AGBL1: variants seen among roughly 807,000 people sequenced by gnomAD.
The protein encoded by AGBL1 is AGBL carboxypeptidase 1, also known as cytosolic carboxypeptidase 4.
A neutral mutation model predicts 118.9 loss-of-function variants in AGBL1; 130 were observed. That is an observed-to-expected ratio of 1.09 (90% CI 0.95 to 1.26). The LOEUF is 1.26. AGBL1 is among the 50% of genes most tolerant of loss of function. AGBL1 has a pLI of 0.00. For missense variants in AGBL1, 1,584 were observed against 1,298.1 expected, an observed-to-expected ratio of 1.22 and a Z score of -3.38; for synonymous variants, 555 against 478.9, an observed-to-expected ratio of 1.16 and a Z score of -2.08.
intron 22 of AGBL1, among the ~76,000 whole-genome samples, chr15:86,706,409 T>C (rs2086450770): frequency 6.6e-6 from 1 of 152,152 alleles, no homozygotes; most frequent in South Asian, 2.1e-4. Context: ...ACCTGGTCTG[T>C]TAATTTGGGG....
At chr15:86,506,113 G>C (rs1419052276) in intron 18 of AGBL1, among the ~76,000 whole-genome samples, 2 of 151,956 alleles carry the variant, frequency 1.3e-5, no homozygotes, top group Non-Finnish European at 2.9e-5. Flanking sequence ...GTTGATGTCT[G>C]GGCATGCCTT....
chr15:86,722,344 A>G (rs1037991328), intron 22 of AGBL1, among the ~76,000 whole-genome samples: 2 of 152,252 alleles, frequency 1.3e-5, no homozygotes, highest in African/African-American at 4.8e-5. Context: ...GCCCTCAGAA[A>G]TAATGCCGCA....
intron 17 of AGBL1, among the ~76,000 whole-genome samples, chr15:86,390,426 C>T (rs2081258956): frequency 2.0e-5 from 3 of 152,172 alleles, no homozygotes; most frequent in Admixed American, 2.0e-4. Flanking sequence ...TTGTACCCAA[C>T]AACATTCTTT....
chr15:86,190,985 T>C (rs1443488426), intron 5 of AGBL1, among the ~76,000 whole-genome samples: 3 of 152,024 alleles, frequency 2.0e-5, no homozygotes, highest in Non-Finnish European at 4.4e-5. Context: ...TGACTCAAGA[T>C]CCAAAGGGTA....
chr15:86,286,735 G>GTGTGTATATATATATATATATATATATA lies in AGBL1; in HGVS notation c.2220+6953_2220+6954insGTGTATATATATATATATATATATATAT. Among the ~76,000 whole-genome samples the GTGTGTATATATATATATATATATATATA allele has an allele frequency of 1.6e-3, 165 of 106,270 alleles. 5 individuals are homozygous for GTGTGTATATATATATATATATATATATA. The highest frequency in any genetic ancestry group is 6.2e-3 in the African/African-American group (159 of 25,752). 69.7% of individuals were successfully genotyped at this position (106,270 alleles called of 152,430 possible). ...TATATGTGTGTGTGTGTTTGTGTGTGTATATATATATATAAAACTCCATCA... is the reference window on the plus strand; with the variant it reads ...TATATGTGTGTGTGTGTTTGTGTGTGTGTGTATATATATATATATATATATATATATATATATATATAAAACTCCATCA... On this transcript the variant is annotated intron_variant, in intron 16 of 22. Transcript: ENST00000614907.
intron 18 of AGBL1, among the ~76,000 whole-genome samples, chr15:86,480,862 T>C (rs1276794432): frequency 6.6e-6 from 1 of 151,918 alleles, no homozygotes; most frequent in East Asian, 1.9e-4. Flanking sequence ...ATTTAGGCAA[T>C]GGTGAGCATT....
chr15:86,639,290 T>A (rs1335414502), intron 21 of AGBL1, among the ~76,000 whole-genome samples: 2 of 152,122 alleles, frequency 1.3e-5, no homozygotes. Flanking sequence ...TTGCACTAGA[T>A]CTACTTGCAA....
intron 17 of AGBL1, among the ~76,000 whole-genome samples, chr15:86,318,784 T>C (rs1048217839): frequency 1.1e-4 from 16 of 150,892 alleles, no homozygotes; most frequent in Admixed American, 9.9e-4. Flanking sequence ...GGTTTATCTT[T>C]AGAATGCATG....
chr15:86,768,665 A>G (rs1486370689), intron 22 of AGBL1, among the ~76,000 whole-genome samples: 3 of 151,972 alleles, frequency 2.0e-5, no homozygotes, highest in African/African-American at 7.2e-5. Context: ...TCAAGTCACT[A>G]TCTACCACAT....
rs182315278 is a variant in AGBL1 at position 86,428,164 on chromosome 15, A to G, written c.2555+30618A>G. 2.6e-5 allele frequency among the ~76,000 whole-genome samples: 4 copies of G among 152,344 alleles called. No individual in the cohort carries two copies. The East Asian group carries it at 7.7e-4, about 29-fold the overall frequency. On this transcript the variant is annotated intron_variant, in intron 18 of 22. Transcript: ENST00000614907. ...CTAAAAGGAGGGATCTGAAAAACCA[A>G]GCCAACATGAAGGTGGAATTTTACA... is the stretch of plus-strand genomic sequence containing the variant.
At chr15:86,244,803 A>G (rs2141985334) in intron 6 of AGBL1, among the ~76,000 whole-genome samples, 1 of 152,334 alleles carries the variant, frequency 6.6e-6, no homozygotes, top group East Asian at 1.9e-4. Context: ...TTGTTCTGGC[A>G]TCTTTTTAGC....
chr15:86,224,554 A>C (rs534890540), intron 5 of AGBL1, among the ~76,000 whole-genome samples: 1 of 152,266 alleles, frequency 6.6e-6, no homozygotes, highest in African/African-American at 2.4e-5. Flanking sequence ...GAGTCCCTGC[A>C]AGTTTCCAGA....
chr15:86,548,203 A>G (rs983567498), intron 20 of AGBL1, among the ~76,000 whole-genome samples: 2 of 152,214 alleles, frequency 1.3e-5, no homozygotes, highest in Non-Finnish European at 2.9e-5. Flanking sequence ...GTTGATGCTT[A>G]GAGGCTGATT....
At chr15:86,835,872 T>C (rs554223196) in intron 22 of AGBL1, among the ~76,000 whole-genome samples, 2 of 152,180 alleles carry the variant, frequency 1.3e-5, no homozygotes, top group Non-Finnish European at 2.9e-5. Flanking sequence ...GATCCATGTA[T>C]GTACGATCCA....
At chr15:86,168,675 G>T (rs1597486409) in intron 5 of AGBL1, among the ~76,000 whole-genome samples, 1 of 152,292 alleles carries the variant, frequency 6.6e-6, no homozygotes, top group Non-Finnish European at 1.5e-5. Context: ...AACAGCTTAT[G>T]ATAAAATATT....
intron 1 of AGBL1, among the ~76,000 whole-genome samples, chr15:86,099,540 ATTTTTTTT>A (rs539242604): frequency 7.7e-6 from 1 of 130,638 alleles, no homozygotes. Context: ...GTGGATGCCT[ATTTTTTTT>A]TTTTTTTTTG....
intron 17 of AGBL1, among the ~76,000 whole-genome samples, chr15:86,315,315 T>C (rs2079985416): frequency 6.6e-6 from 1 of 152,184 alleles, no homozygotes; most frequent in African/African-American, 2.4e-5. Flanking sequence ...AGTAGCTAGG[T>C]AGACTTCTAA....
At chr15:86,578,551 G>A (rs1158893170) in intron 21 of AGBL1, among the ~76,000 whole-genome samples, 1 of 152,176 alleles carries the variant, frequency 6.6e-6, no homozygotes, top group Admixed American at 6.5e-5. Flanking sequence ...AGATTTGGGA[G>A]GGGCCAAGTG....
chr15:86,638,951 G>T (rs553154965), intron 21 of AGBL1, among the ~76,000 whole-genome samples: 1 of 152,030 alleles, frequency 6.6e-6, no homozygotes, highest in East Asian at 1.9e-4. Flanking sequence ...AGTTCTCTCC[G>T]TGCTGGTAGA....
Sources: allele counts gnomAD v4.1 joint callset (sites outside exome capture counted in the v4.1 genomes callset), GRCh38; gene constraint gnomAD v4.1.1; transcripts MANE v1.5; gene names NCBI Gene and HGNC (gene_info 2026-07-23, HGNC 2026-07-21).